Variants in CCDC122 observed in about 807,000 individuals in gnomAD.
The protein encoded by CCDC122 is coiled-coil domain containing 122, also known as coiled-coil domain-containing protein 122.
In CCDC122, 38 loss-of-function variants were observed where a neutral mutation model predicts 37.0. The ratio of observed to expected loss-of-function variants is 1.03; its 90% CI spans 0.79 to 1.35. The LOEUF is 1.35. Ranked by LOEUF, CCDC122 falls within the 40% of genes most tolerant of loss-of-function variation. The pLI is 0.00. For synonymous variants in CCDC122, 83 were observed against 95.6 expected (o/e 0.87, Z 0.77); for missense variants, 305 against 310.0 (o/e 0.98, Z 0.12).
intron 4 of CCDC122, among the ~76,000 whole-genome samples, chr13:43,867,439 T>C (rs1954309851): frequency 6.6e-6 from 1 of 152,144 alleles, no homozygotes; most frequent in African/African-American, 2.4e-5. Context: ...CCTTTAAACC[T>C]GTCCTAGACA....
chr13:43,859,490 G>A (rs868214333), intron 5 of CCDC122, among the ~76,000 whole-genome samples, 182 bp downstream of exon 5: 1 of 151,934 alleles, frequency 6.6e-6, no homozygotes, highest in East Asian at 1.9e-4. Flanking sequence ...TGAGCATCTA[G>A]GGTCGTTGTT....
At chr13:43,866,388 T>C (rs1001290884) in intron 4 of CCDC122, among the ~76,000 whole-genome samples, 2 of 152,178 alleles carry the variant, frequency 1.3e-5, no homozygotes, top group African/African-American at 4.8e-5. Flanking sequence ...CCAACACTTT[T>C]CTTCTTCAAA....
chr13:43,846,616 G>T (rs562630457), intron 6 of CCDC122, among the ~76,000 whole-genome samples: 40 of 152,124 alleles, frequency 2.6e-4, no homozygotes, highest in Admixed American at 2.4e-3. Context: ...TTAGTTCTTA[G>T]TTACAGATGT....
chr13:43,840,946 G>A (rs998059790), intron 6 of CCDC122, among the ~76,000 whole-genome samples: 2 of 152,142 alleles, frequency 1.3e-5, no homozygotes, highest in Non-Finnish European at 2.9e-5. Flanking sequence ...CTAGATCCCT[G>A]AGGAATCACC....
chr13:43,858,673 T>C, intron 6 of CCDC122, 108 bp downstream of exon 6: 1 of 768,228 alleles, frequency 1.3e-6, no homozygotes, highest in Non-Finnish European at 1.8e-6. Context: ...TTCTTTCTTG[T>C]TCTTCAACTG....
intron 1 of CCDC122, among the ~76,000 whole-genome samples, chr13:43,878,571 G>A (rs1482013383): frequency 2.0e-5 from 3 of 152,164 alleles, no homozygotes; most frequent in African/African-American, 7.2e-5. Flanking sequence ...GAAGATAAAA[G>A]GGACCTCTCC....
chr13:43,845,599 A>G (rs999631005), intron 6 of CCDC122, among the ~76,000 whole-genome samples: 16 of 152,050 alleles, frequency 1.1e-4, no homozygotes, highest in African/African-American at 3.9e-4. Context: ...ATAGTCCCAG[A>G]TACTGGGGAG....
intron 6 of CCDC122, among the ~76,000 whole-genome samples, chr13:43,840,968 C>T (rs1269806477): frequency 6.6e-6 from 1 of 152,170 alleles, no homozygotes; most frequent in Non-Finnish European, 1.5e-5. Context: ...CAATGACTTC[C>T]ACAATGGTTT....
chr13:43,865,452 T>G (rs769914122), intron 4 of CCDC122, among the ~76,000 whole-genome samples: 2 of 152,202 alleles, frequency 1.3e-5, no homozygotes, highest in Non-Finnish European at 2.9e-5. Flanking sequence ...CTGAACTCTA[T>G]ATACACTATG....
chr13:43,838,960 T>C (rs1953258364), intron 6 of CCDC122, among the ~76,000 whole-genome samples: 1 of 152,210 alleles, frequency 6.6e-6, no homozygotes, highest in Non-Finnish European at 1.5e-5. Context: ...ATTCTTCTGG[T>C]CTTGTGCACA....
intron 4 of CCDC122, 114 bp downstream of exon 4, chr13:43,868,580 T>A (rs1210136075): frequency 9.0e-6 from 5 of 553,148 alleles, no homozygotes; most frequent in Admixed American, 3.8e-5. Context: ...AACAGAATAA[T>A]TGACAGAGAA....
At chr13:43,876,926 C>G (rs1954626838) in intron 1 of CCDC122, among the ~76,000 whole-genome samples, 1 of 152,124 alleles carries the variant, frequency 6.6e-6, no homozygotes, top group Non-Finnish European at 1.5e-5. Flanking sequence ...TCCTGGCCAA[C>G]ATGGTGAAAC....
chr13:43,837,516 G>A (rs746803050), intron 6 of CCDC122, 87 bp from the exon 7 acceptor site: 12 of 1,144,344 alleles, frequency 1.0e-5, no homozygotes, highest in East Asian at 2.5e-5. Context: ...CTCTAAAGAG[G>A]GAAGCACTTA....
chr13:43,838,920 T>C (rs940596323), intron 6 of CCDC122, among the ~76,000 whole-genome samples: 5 of 152,198 alleles, frequency 3.3e-5, no homozygotes, highest in Non-Finnish European at 5.9e-5. Flanking sequence ...AATTTCAGTA[T>C]TATAATGAGG....
chr13:43,875,478 T>C (rs1257035992), intron 1 of CCDC122, among the ~76,000 whole-genome samples: 1 of 152,138 alleles, frequency 6.6e-6, no homozygotes, highest in Middle Eastern at 3.2e-3. Flanking sequence ...TTAGGGTAGG[T>C]GACTGAATAT....
intron 6 of CCDC122, among the ~76,000 whole-genome samples, chr13:43,840,630 C>G (rs9788406): frequency 6.6e-6 from 1 of 151,722 alleles, no homozygotes; most frequent in Non-Finnish European, 1.5e-5. Flanking sequence ...TGAGAACATG[C>G]GGTGTTTGGT....
chr13:43,845,581 G>A lies in CCDC122; in HGVS notation c.673-8152C>T, dbSNP rs138031392. Among the ~76,000 whole-genome samples, 66 of 152,264 alleles carry A rather than the reference G, an allele frequency of 4.3e-4. 1 individual carries two copies. The East Asian group carries it at 0.011, about 26-fold the overall frequency. ...CAAAAAATTAGCAGGGCATGGTAAT[G>A]CATGCCTATAGTCCCAGATACTGGG... is the stretch of plus-strand genomic sequence containing the variant. On this transcript the variant is annotated intron_variant, in intron 6 of 6. Coordinates refer to ENST00000444614, the MANE Select transcript of CCDC122 (RefSeq NM_144974.5).
chr13:43,835,683 A>G (rs1953144644), downstream of CCDC122, among the ~76,000 whole-genome samples: 2 of 152,224 alleles, frequency 1.3e-5, no homozygotes, highest in Admixed American at 1.3e-4. Context: ...TCATTTACAA[A>G]TATTTTGAAT....
At chr13:43,819,889 G>A (rs1268147118), downstream of CCDC122, among the ~76,000 whole-genome samples, 2 of 151,918 alleles carry the variant, frequency 1.3e-5, no homozygotes, top group Non-Finnish European at 2.9e-5. Context: ...ATATGAAAAA[G>A]AGAAACAAAA....
Sources: allele counts gnomAD v4.1 joint callset (sites outside exome capture counted in the v4.1 genomes callset), GRCh38; gene constraint gnomAD v4.1.1; transcripts MANE v1.5; gene names NCBI Gene and HGNC (gene_info 2026-07-23, HGNC 2026-07-21).